Variants in ROBO2 observed in about 807,000 individuals in gnomAD.
ROBO2 encodes roundabout homolog 2.
In ROBO2, 53 loss-of-function variants were observed where a neutral mutation model predicts 160.8. The ratio of observed to expected loss-of-function variants is 0.33; its 90% CI spans 0.26 to 0.41. The LOEUF is 0.41. ROBO2 is among the 10% of genes least tolerant of loss of function. The pLI is 1.00. For synonymous variants in ROBO2, 664 were observed against 611.7 expected, an observed-to-expected ratio of 1.09 and a Z score of -1.26; for missense variants, 1,577 against 1,722.4, an observed-to-expected ratio of 0.92 and a Z score of 1.49.
intron 2 of ROBO2, among the ~76,000 whole-genome samples, chr3:76,304,492 T>C (rs922618769): frequency 6.6e-6 from 1 of 152,346 alleles, no homozygotes. Context: ...CTAATGCTAA[T>C]GCTAATTTAC....
intron 2 of ROBO2, among the ~76,000 whole-genome samples, chr3:77,373,722 A>G (rs1012676937): frequency 3.9e-5 from 6 of 151,976 alleles, no homozygotes; most frequent in Admixed American, 2.0e-4. Flanking sequence ...AATCCTCTCT[A>G]TAGGGAGAAA....
chr3:77,042,214 A>G (rs1394867956), intron 1 of ROBO2, among the ~76,000 whole-genome samples: 1 of 152,184 alleles, frequency 6.6e-6, no homozygotes, highest in Non-Finnish European at 1.5e-5. Context: ...TAAGCAGTAG[A>G]TGTTTAAGAT....
chr3:77,226,121 T>G (rs949681456), intron 2 of ROBO2, among the ~76,000 whole-genome samples: 1 of 152,042 alleles, frequency 6.6e-6, no homozygotes, highest in African/African-American at 2.4e-5. Flanking sequence ...ATTTTAGGAA[T>G]GTTATACCCA....
intron 2 of ROBO2, among the ~76,000 whole-genome samples, chr3:76,911,782 G>C (rs114654532): frequency 0.018 from 2,606 of 148,896 alleles, 70 homozygotes; most frequent in African/African-American, 0.064. Context: ...TTTCCAAAAA[G>C]ACAACAATAA....
chr3:76,664,225 A>G (rs899707892), intron 2 of ROBO2, among the ~76,000 whole-genome samples: 1 of 152,190 alleles, frequency 6.6e-6, no homozygotes, highest in African/African-American at 2.4e-5. Flanking sequence ...AATTAGAGAA[A>G]AGATGAAGGT....
chr3:76,637,777 A>G (rs879260494), intron 2 of ROBO2, among the ~76,000 whole-genome samples: 2 of 152,216 alleles, frequency 1.3e-5, no homozygotes, highest in Non-Finnish European at 1.5e-5. Flanking sequence ...ATATTATACC[A>G]TAAGACTAAT....
intron 2 of ROBO2, among the ~76,000 whole-genome samples, chr3:76,415,559 T>C (rs2075721338): frequency 6.6e-6 from 1 of 152,198 alleles, no homozygotes; most frequent in South Asian, 2.1e-4. Context: ...GCCTACTCAG[T>C]AGTTTGTCAT....
intron 20 of ROBO2, among the ~76,000 whole-genome samples, chr3:77,607,076 C>T (rs2094539894): frequency 6.6e-6 from 1 of 152,132 alleles, no homozygotes; most frequent in African/African-American, 2.4e-5. Context: ...ATGCTGCTAG[C>T]TTACTTTCTT....
exon 2 of ROBO2, chr3:75,937,507 A>C: frequency 6.4e-7 from 1 of 1,571,076 alleles, no homozygotes; most frequent in Non-Finnish European, 8.6e-7. Flanking sequence ...GCCAGAAGAC[A>C]TGAACGTGTC....
intron 2 of ROBO2, among the ~76,000 whole-genome samples, chr3:75,964,669 GAT>G (rs1949042091): frequency 6.6e-6 from 1 of 151,296 alleles, no homozygotes; most frequent in Admixed American, 6.6e-5. Flanking sequence ...AAGGAAGAAA[GAT>G]AACCAAAGCA....
intron 2 of ROBO2, among the ~76,000 whole-genome samples, chr3:77,239,821 CAG>C (rs1369284483): frequency 6.6e-6 from 1 of 152,178 alleles, no homozygotes; most frequent in Non-Finnish European, 1.5e-5. Context: ...GAGCTAGACA[CAG>C]AGTGCTGATT....
At chr3:77,197,228 G>A (rs2082391441) in intron 2 of ROBO2, among the ~76,000 whole-genome samples, 1 of 152,112 alleles carries the variant, frequency 6.6e-6, no homozygotes, top group Non-Finnish European at 1.5e-5. Flanking sequence ...CACCTTTCAT[G>A]TTTGCAAGTT....
At chr3:76,333,780 C>A (rs1344451571) in intron 2 of ROBO2, among the ~76,000 whole-genome samples, 1 of 152,130 alleles carries the variant, frequency 6.6e-6, no homozygotes, top group Non-Finnish European at 1.5e-5. Context: ...GGTTCCAAGT[C>A]TTTGCTATTG....
chr3:76,370,579 C>A (rs1216477864), intron 2 of ROBO2, among the ~76,000 whole-genome samples: 1 of 151,806 alleles, frequency 6.6e-6, no homozygotes, highest in Non-Finnish European at 1.5e-5. Flanking sequence ...ACAAAGAAAC[C>A]ACAGAGTCAA....
chr3:77,183,586 C>T (rs762910382), intron 2 of ROBO2, among the ~76,000 whole-genome samples: 30 of 151,932 alleles, frequency 2.0e-4, no homozygotes, highest in Non-Finnish European at 4.3e-4. Context: ...CCTGCTGACC[C>T]CTTGATCTTG....
At chr3:76,798,140 GAGAAAGAAAGAAAGAA>G (rs146844266) in intron 2 of ROBO2, among the ~76,000 whole-genome samples, 2 of 115,674 alleles carry the variant, frequency 1.7e-5, no homozygotes, top group African/African-American at 3.4e-5. Flanking sequence ...AAAGAAGAAA[GAGAAAGAAAGAAAGAA>G]AGAAAGAAAG....
intron 2 of ROBO2, among the ~76,000 whole-genome samples, chr3:76,910,682 C>T (rs971238170): frequency 3.0e-5 from 4 of 134,994 alleles, no homozygotes; most frequent in Admixed American, 8.2e-5. Flanking sequence ...GCCGAGATCA[C>T]ACCACTGCAC....
At chr3:77,216,400 G>T (rs907298981) in intron 2 of ROBO2, among the ~76,000 whole-genome samples, 1 of 152,168 alleles carries the variant, frequency 6.6e-6, no homozygotes, top group African/African-American at 2.4e-5. Flanking sequence ...ATCTCCTGGT[G>T]CGCCGTTTAC....
intron 2 of ROBO2, among the ~76,000 whole-genome samples, chr3:76,658,074 A>G (rs202181507): frequency 2.3e-4 from 11 of 47,514 alleles, no homozygotes; most frequent in African/African-American, 4.4e-4. Context: ...CTGAATAAAT[A>G]AATAAATAAA....
Sources: gnomAD v4.1 joint callset for allele counts (sites outside exome capture counted in the v4.1 genomes callset) on GRCh38, gnomAD v4.1.1 for gene constraint, MANE v1.5 for transcripts, NCBI Gene and HGNC (gene_info 2026-07-23, HGNC 2026-07-21) for gene names.